The following BCL9L variants were observed in gnomAD, a reference collection of about 807,000 sequenced individuals.
BCL9L encodes BCL9 like, also known as B-cell CLL/lymphoma 9-like protein.
In BCL9L, 19 loss-of-function variants were observed where a neutral mutation model predicts 99.4. The observed-to-expected ratio is 0.19, with a 90% confidence interval of 0.13 to 0.28. The LOEUF (loss-of-function observed/expected upper bound fraction) is 0.28. Among genes scored for constraint, BCL9L ranks in the 10% least tolerant of loss-of-function variants. BCL9L has a pLI of 1.00. For missense variants in BCL9L, 2,023 were observed against 2,101.6 expected (o/e 0.96, Z 0.73); for synonymous variants, 900 against 854.8 (o/e 1.05, Z -0.92).
At chr11:118,912,885 C>T (rs983110320) in intron 2 of BCL9L, among the ~76,000 whole-genome samples, 1 of 152,178 alleles carries the variant, frequency 6.6e-6, no homozygotes, top group Non-Finnish European at 1.5e-5. Context: ...AGATCCTTGG[C>T]CTCTGGCTCA....
chr11:118,916,908 C>G (rs184691516), intron 2 of BCL9L, among the ~76,000 whole-genome samples: 1 of 152,200 alleles, frequency 6.6e-6, no homozygotes, highest in Non-Finnish European at 1.5e-5. Context: ...CATTTAAGGA[C>G]GGAATGTCTT....
chr11:118,902,078 C>G lies in BCL9L; in HGVS notation c.1665G>C (p.Met555Ile). 6.2e-7 allele frequency: 1 copy of G among 1,614,142 alleles called. No individual in the cohort carries two copies. Among genetic ancestry groups the G allele is most frequent in the South Asian group, 1.1e-5 (1 of 91,088 alleles). Residue 555 changes from methionine to isoleucine, a missense_variant, in exon 8 of 10, where the codon ATG becomes ATC. By Grantham distance (10) the Met-to-Ile change is conservative. Coordinates refer to ENST00000683865, the MANE Select transcript of BCL9L (RefSeq NM_001378213.1). The surrounding 1 kb of genome is among the most constrained non-coding windows in gnomAD (Gnocchi z 7.8). ...AAGGAGGCGGGGGCCCCCTCACCAT[C>G]ATGCCCCCCATGCCCATCATGTCCT... is the stretch of plus-strand genomic sequence containing the variant. Reference protein sequence around the residue: ...PLQDMMGMGGMMVRGPPPPYH... With the variant: ...PLQDMMGMGGIMVRGPPPPYH...
rs753378628 is a variant in BCL9L at position 118,901,244 on chromosome 11, C to T, written c.2499G>A (p.Gln833=). The stretch of plus-strand genomic sequence containing the variant: ...GAAACTGTGAAGGCATCAGCATCTT[C>T]TGCGGGCCGCCCATCACGCCACTGC... The part of the protein sequence containing the change: ...QNSSGVMGGP[Q]KMLMPSQFPN... Residue 833 remains glutamine (Q), a synonymous_variant, in exon 8 of 10, where the codon CAG becomes CAA. Transcript: ENST00000683865. This position sits in a 1 kb window ranked among gnomAD's most constrained non-coding sequence, Gnocchi z 6.6. 6.2e-6 allele frequency: 10 copies of T among 1,614,002 alleles called. No individual in the cohort carries two copies. The East Asian group carries it at 1.8e-4, about 29-fold the overall frequency.
At position 118,896,996 on chromosome 11, in the gene BCL9L, G is replaced by A. The variant is rs1008122141; in HGVS notation, c.*1419C>T. 1 of 153,044 alleles carries A rather than the reference G, an allele frequency of 6.5e-6. No individual in the cohort carries two copies. Among genetic ancestry groups the A allele is most frequent in the African/African-American group, 2.4e-5 (1 of 41,464 alleles). 9.5% of individuals were successfully genotyped at this position (153,044 alleles called of 1,614,324 possible). On this transcript the variant is annotated 3_prime_UTR_variant, in exon 10 of 10. Coordinates refer to ENST00000683865, the MANE Select transcript of BCL9L (RefSeq NM_001378213.1). ...TCCTGGGTAGGAGCAGGGAGCCAAG[G>A]GGGAGGCAGTGGCTGTGCCTGGGTG... is the stretch of plus-strand genomic sequence containing the variant.
intron 2 of BCL9L, among the ~76,000 whole-genome samples, chr11:118,917,920 A>G (rs902164126): frequency 2.6e-5 from 4 of 151,850 alleles, no homozygotes; most frequent in African/African-American, 9.7e-5. Flanking sequence ...GTGGGGGTCA[A>G]AGGTCAAGTG....
At chr11:118,917,047 T>A (rs1940986108) in intron 2 of BCL9L, among the ~76,000 whole-genome samples, 1 of 152,200 alleles carries the variant, frequency 6.6e-6, no homozygotes, top group African/African-American at 2.4e-5. Context: ...AGACGTGTCC[T>A]AAGCTCCCTG....
intron 2 of BCL9L, 40 bp from the exon 3 acceptor site, chr11:118,910,055 G>A (rs1454671601): frequency 4.1e-6 from 6 of 1,458,264 alleles, no homozygotes; most frequent in African/African-American, 1.4e-5. Flanking sequence ...CGTGACTTGG[G>A]GAGGGGGTGT....
intron 5 of BCL9L, among the ~76,000 whole-genome samples, chr11:118,905,036 A>G (rs1208029817): frequency 6.6e-6 from 1 of 152,170 alleles, no homozygotes; most frequent in Non-Finnish European, 1.5e-5. Context: ...TACATGTATA[A>G]CCTCATTTAC....
intron 5 of BCL9L, among the ~76,000 whole-genome samples, chr11:118,905,124 T>C (rs1419294858): frequency 6.6e-6 from 1 of 152,168 alleles, no homozygotes; most frequent in Admixed American, 6.5e-5. Flanking sequence ...TTTACAGAAA[T>C]AACCTGGGTT....
At chr11:118,912,321 G>C (rs1940826417) in intron 2 of BCL9L, among the ~76,000 whole-genome samples, 1 of 152,224 alleles carries the variant, frequency 6.6e-6, no homozygotes, top group Non-Finnish European at 1.5e-5. Context: ...CTGGGAACAC[G>C]TCACCGTGCC....
Position 118,902,421 on chromosome 11 carries a change from C to G in BCL9L, c.1322G>C (p.Gly441Ala). 2 of 1,583,926 alleles carry G rather than the reference C, an allele frequency of 1.3e-6. No homozygotes were observed. The highest frequency in any genetic ancestry group is 4.5e-5 in the East Asian group (2 of 44,618). The change falls in exon 8 of 10, where the codon GGG becomes GCG. Residue 441 changes from glycine (G) to alanine (A), a missense_variant. This residue lies in a region of BCL9L where 1,116 missense variants were observed against 1,194.6 expected (regional missense o/e 0.93). Coordinates refer to ENST00000683865, the MANE Select transcript of BCL9L (RefSeq NM_001378213.1). The surrounding 1 kb of genome is among the most constrained non-coding windows in gnomAD (Gnocchi z 7.8). ...AGGGGGGGCTTGTGCTGGTGGGCCC[C>G]CCTCACCCGCTCCTCCTGGGGGCCC... ...LKGPPGGAGE[G>A]GPPAQAPPPP... is the part of the protein sequence containing the mutation.
At chr11:118,904,685 C>T (rs1337059505) in intron 5 of BCL9L, among the ~76,000 whole-genome samples, 1 of 152,208 alleles carries the variant, frequency 6.6e-6, no homozygotes, top group Non-Finnish European at 1.5e-5. Flanking sequence ...TAAGTACCAG[C>T]ATTCTCAGTT....
chr11:118,910,013 G>A lies in BCL9L; in HGVS notation c.-74C>T. ...AGCCAGGTACTCGGTACTGGAGCAC[G>A]GACTGCAGCAACAAGCCCCAAAGAG... is the stretch of plus-strand genomic sequence containing the variant. On this transcript the variant is annotated splice_region_variant and 5_prime_UTR_variant, in exon 3 of 10. Coordinates refer to ENST00000683865, the MANE Select transcript of BCL9L (RefSeq NM_001378213.1). The A allele has an allele frequency of 1.2e-6, 2 of 1,604,232 alleles. No homozygotes were observed. The highest frequency in any genetic ancestry group is 1.7e-6 in the Non-Finnish European group (2 of 1,172,598).
rs775433205 is a variant in BCL9L at position 118,902,298 on chromosome 11, G to A, written c.1445C>T (p.Pro482Leu). 1.4e-5 allele frequency: 22 copies of A among 1,576,150 alleles called. No homozygotes were observed. In the South Asian group the frequency reaches 1.7e-4, roughly 12 times the overall value. ...MISQTQSLGG[P>L]PLEHEVPGHP... ...CCCAGGCACTTCATGCTCCAGCGGGGGGCCCCCTAGGCTCTGTGTCTGTGA... is the reference window on the plus strand; with the variant it reads ...CCCAGGCACTTCATGCTCCAGCGGGAGGCCCCCTAGGCTCTGTGTCTGTGA... The change falls in exon 8 of 10, where the codon CCC becomes CTC. Residue 482 changes from proline to leucine, a missense_variant. This residue lies in a region of BCL9L where 1,116 missense variants were observed against 1,194.6 expected (regional missense o/e 0.93). Transcript: ENST00000683865. The surrounding 1 kb of genome is among the most constrained non-coding windows in gnomAD (Gnocchi z 7.8).
Position 118,925,124 on chromosome 11 carries a change from G to A in BCL9L, c.-131+114C>T, listed in dbSNP as rs1324671619. 6.6e-6 allele frequency: 1 copy of A among 152,378 alleles called. No homozygotes were observed. The highest frequency in any genetic ancestry group is 1.5e-5 in the Non-Finnish European group (1 of 68,160). The allele number at this position is 152,378 out of a possible 1,614,324, so 9.4% of individuals were successfully genotyped here. On this transcript the variant is annotated intron_variant, in intron 1 of 9. Transcript: ENST00000683865. The surrounding 1 kb of genome is among the most constrained non-coding windows in gnomAD (Gnocchi z 6.4). ...TTAAACAGCCTGGGGGTACGTGCCA[G>A]AGAGCAAGAGACAATCAGACTGTGT...
chr11:118,902,006 C>T lies in BCL9L; in HGVS notation c.1737G>A (p.Gln579=), dbSNP rs1368892111. Residue 579 remains glutamine (Q), a synonymous_variant, in exon 8 of 10, where the codon CAG becomes CAA. Transcript: ENST00000683865. This position sits in a 1 kb window ranked among gnomAD's most constrained non-coding sequence, Gnocchi z 7.8. ...GDQWPPGMGA[Q]LRGPMDVQDP... Reference sequence around the variant, plus strand: ...CTTGAACATCCATGGGCCCCCGCAGCTGCGCACCCATTCCAGGTGGCCACT... The same window carrying T: ...CTTGAACATCCATGGGCCCCCGCAGTTGCGCACCCATTCCAGGTGGCCACT... The T allele has an allele frequency of 6.2e-7, 1 of 1,613,572 alleles. No homozygotes were observed. Among genetic ancestry groups the T allele is most frequent in the African/African-American group, 1.3e-5 (1 of 75,062 alleles).
chr11:118,902,770 C>T lies in BCL9L; in HGVS notation c.973G>A (p.Gly325Arg), dbSNP rs760541970. The T allele has an allele frequency of 3.8e-5, 60 of 1,582,428 alleles. No individual in the cohort carries two copies. The highest frequency in any genetic ancestry group is 1.7e-4 in the Middle Eastern group (1 of 5,958). The change falls in exon 8 of 10, where the codon GGG (glycine) becomes AGG (arginine). Residue 325 changes from glycine (G) to arginine (R), a missense_variant. By Grantham distance (125) the Gly-to-Arg change is moderately radical. Around this residue, in one of 3 missense-constraint regions of BCL9L, gnomAD observed 1,116 missense variants for 1,194.6 expected, o/e 0.93. Coordinates refer to ENST00000683865, the MANE Select transcript of BCL9L (RefSeq NM_001378213.1). The surrounding 1 kb of genome is among the most constrained non-coding windows in gnomAD (Gnocchi z 7.8). ...GSAPPALPPEGPPEDSSQDLA... is the reference protein window; with the variant it reads ...GSAPPALPPERPPEDSSQDLA... ...TCCTGACTGCTGTCCTCAGGAGGCC[C>T]CTCTGGGGGCAGAGCAGGCGGGGCA...
Position 118,900,522 on chromosome 11 carries a change from A to C in BCL9L, c.3124+97T>G. Reference sequence around the variant, plus strand: ...AGCCATCCACCTCTGGGCCCGTGGTACACAGGCCCTTACTCACTCACTGCC... The same window carrying C: ...AGCCATCCACCTCTGGGCCCGTGGTCCACAGGCCCTTACTCACTCACTGCC... On this transcript the variant is annotated intron_variant, in intron 8 of 9. Coordinates refer to ENST00000683865, the MANE Select transcript of BCL9L (RefSeq NM_001378213.1). This position sits in a 1 kb window ranked among gnomAD's most constrained non-coding sequence, Gnocchi z 5.3. The C allele has an allele frequency of 1.3e-6, 2 of 1,494,624 alleles. No individual in the cohort carries two copies. Among genetic ancestry groups the C allele is most frequent in the Non-Finnish European group, 8.9e-7 (1 of 1,127,122 alleles). 92.6% of individuals were successfully genotyped at this position (1,494,624 alleles called of 1,614,324 possible). A position where few individuals can be genotyped will look rare whatever the true frequency, so the allele number is the denominator to read the frequency against.
In BCL9L at chr11:118,900,885, T is replaced by C. The variant is rs758700660; in HGVS notation, c.2858A>G (p.Lys953Arg). Residue 953 changes from lysine (K) to arginine (R), a missense_variant, in exon 8 of 10, where the codon AAG becomes AGG. Physicochemically the swap from Lys to Arg is conservative, Grantham distance 26. This residue lies in a region of BCL9L where 902 missense variants were observed against 888.2 expected (regional missense o/e 1.02). Coordinates refer to ENST00000683865, the MANE Select transcript of BCL9L (RefSeq NM_001378213.1). The surrounding 1 kb of genome is among the most constrained non-coding windows in gnomAD (Gnocchi z 5.3). ...CATCTGTGAGGGAGTCTGGGGTGAC[T>C]TGAGGTTGGCAGAGGGCGAGGTGAC... Reference protein sequence around the residue: ...PLVTSPSANLKSPQTPSQMVP... With the variant: ...PLVTSPSANLRSPQTPSQMVP... 11 of 1,601,960 alleles carry C rather than the reference T, an allele frequency of 6.9e-6. No individual in the cohort carries two copies. The highest frequency in any genetic ancestry group is 1.7e-4 in the Middle Eastern group (1 of 5,998).
Sources: allele counts gnomAD v4.1 joint callset (sites outside exome capture counted in the v4.1 genomes callset), GRCh38; gene constraint gnomAD v4.1.1; regional missense constraint gnomAD v4.1.1; non-coding constraint Gnocchi (gnomAD v3.1); transcripts MANE v1.5; gene names NCBI Gene and HGNC (gene_info 2026-07-23, HGNC 2026-07-21).